SIRPA: variants seen among roughly 807,000 people sequenced by gnomAD.
SIRPA encodes the protein signal regulatory protein alpha.
A neutral mutation model predicts 50.3 loss-of-function variants in SIRPA; 9 were observed. That is an observed-to-expected ratio of 0.18 (90% confidence interval 0.11 to 0.31). The LOEUF is 0.31. Ranked by LOEUF, SIRPA falls within the 10% of genes least tolerant of loss-of-function variation. The pLI is 1.00. For missense variants in SIRPA, 474 were observed against 661.6 expected, an observed-to-expected ratio of 0.72 and a Z score of 3.11; for synonymous variants, 265 against 284.1, an observed-to-expected ratio of 0.93 and a Z score of 0.68.
In SIRPA at chr20:1,939,959, T is replaced by C. The variant is rs6045561; in HGVS notation, c.*2391T>C. The C allele has an allele frequency of 0.43, 64,876 of 152,508 alleles. 16,469 individuals are homozygous for C. The highest frequency in any genetic ancestry group is 0.76 in the East Asian group (3,913 of 5,170). The allele number at this position is 152,508 out of a possible 1,614,324, so 9.4% of individuals were successfully genotyped here. On this transcript the variant is annotated 3_prime_UTR_variant, in exon 8 of 8. Coordinates refer to ENST00000358771, the MANE Select transcript of SIRPA (RefSeq NM_001040023.2). The surrounding 1 kb of genome is among the most constrained non-coding windows in gnomAD (Gnocchi z 4.7). The stretch of plus-strand genomic sequence containing the variant: ...TCCCGGGGCCGCCTCGGGGCCTGCC[T>C]GCCCTCCTGCCAAAGCCTGGAAGAG...
chr20:1,940,511 T>TA lies in SIRPA; in HGVS notation c.*2944dup, dbSNP rs1240334492. The TA allele has an allele frequency of 6.6e-6, 1 of 152,228 alleles. No homozygotes were observed. The highest frequency in any genetic ancestry group is 6.5e-5 in the Admixed American group (1 of 15,288). The allele number at this position is 152,228 out of a possible 1,614,324, so 9.4% of individuals were successfully genotyped here. On this transcript the variant is annotated 3_prime_UTR_variant, in exon 8 of 8. Transcript: ENST00000358771. ...TTTATAGTGGGTGCTCAATAAATGT[T>TA]AGTTTCCTTTCTATCCCTCCATTAG...
intron 6 of SIRPA, among the ~76,000 whole-genome samples, chr20:1,930,816 C>A (rs1469751038): frequency 6.6e-6 from 1 of 152,158 alleles, no homozygotes; most frequent in Non-Finnish European, 1.5e-5. Flanking sequence ...TCTTGAACTC[C>A]CGACCTCAGG....
chr20:1,906,653 A>T (rs1821079687), intron 1 of SIRPA, among the ~76,000 whole-genome samples: 1 of 152,120 alleles, frequency 6.6e-6, no homozygotes, highest in Admixed American at 6.5e-5. Flanking sequence ...TTTCACTCTG[A>T]GTGCAGTGGG....
chr20:1,932,053 G>GC lies in SIRPA; in HGVS notation c.1227-2662_1227-2661insC, dbSNP rs1213508153. ...ATGGCACTTAAGAGCCAGTGAGAAA[G>GC]ATTCATTCATTCATTCATTCATTCA... On this transcript the variant is annotated intron_variant, in intron 6 of 7. Transcript: ENST00000358771. This position sits in a 1 kb window ranked among gnomAD's most constrained non-coding sequence, Gnocchi z 6.0. Among the ~76,000 whole-genome samples, 1 of 151,418 alleles carries GC rather than the reference G, an allele frequency of 6.6e-6. No homozygotes were observed. The highest frequency in any genetic ancestry group is 1.5e-5 in the Non-Finnish European group (1 of 67,952).
Position 1,936,437 on chromosome 20 carries a change from T to C in SIRPA, c.1267-883T>C, listed in dbSNP as rs1986579363. Among the ~76,000 whole-genome samples, 2 of 152,166 alleles carry C rather than the reference T, an allele frequency of 1.3e-5. No individual in the cohort carries two copies. The highest frequency in any genetic ancestry group is 2.9e-5 in the Non-Finnish European group (2 of 68,026). On this transcript the variant is annotated intron_variant, in intron 7 of 7. Coordinates refer to ENST00000358771, the MANE Select transcript of SIRPA (RefSeq NM_001040023.2). This position sits in a 1 kb window ranked among gnomAD's most constrained non-coding sequence, Gnocchi z 4.2. ...GTAGACACTATTATCATCCCCTCTT[T>C]ACAGATGGAGAAACTGAGGCCCAGA...
chr20:1,909,317 C>A (rs916459147), intron 1 of SIRPA, among the ~76,000 whole-genome samples: 1 of 152,232 alleles, frequency 6.6e-6, no homozygotes, highest in Non-Finnish European at 1.5e-5. Flanking sequence ...CATGCAGTGG[C>A]AGTGAGCACC....
chr20:1,904,635 C>T (rs1450919839), intron 1 of SIRPA, among the ~76,000 whole-genome samples: 2 of 152,202 alleles, frequency 1.3e-5, no homozygotes, highest in African/African-American at 4.8e-5. Flanking sequence ...TGCTTATTAG[C>T]TATTGTTACT....
intron 1 of SIRPA, among the ~76,000 whole-genome samples, chr20:1,912,194 C>T (rs1283625809): frequency 6.6e-6 from 1 of 152,178 alleles, no homozygotes; most frequent in Non-Finnish European, 1.5e-5. Flanking sequence ...TGATTACAGG[C>T]CTCCGGCTGC....
In SIRPA at chr20:1,936,136, C is replaced by T. The variant is rs373715146; in HGVS notation, c.1267-1184C>T. Reference sequence around the variant, plus strand: ...CCTGAGAACTGAAATCAGCCATTACCGTGCACCAACTAGGAGGTGTGCCGG... The same window carrying T: ...CCTGAGAACTGAAATCAGCCATTACTGTGCACCAACTAGGAGGTGTGCCGG... On this transcript the variant is annotated intron_variant, in intron 7 of 7. Transcript: ENST00000358771. This position sits in a 1 kb window ranked among gnomAD's most constrained non-coding sequence, Gnocchi z 4.2. Among the ~76,000 whole-genome samples, 10 of 152,102 alleles carry T rather than the reference C, an allele frequency of 6.6e-5. No homozygotes were observed. Among genetic ancestry groups the T allele is most frequent in the South Asian group, 4.1e-4 (2 of 4,820 alleles).
At chr20:1,911,059 A>G (rs1313534365) in intron 1 of SIRPA, among the ~76,000 whole-genome samples, 1 of 152,212 alleles carries the variant, frequency 6.6e-6, no homozygotes, top group Non-Finnish European at 1.5e-5. Context: ...CACTGGATCT[A>G]CTACTTGGTA....
At chr20:1,905,516 G>A (rs1462259471) in intron 1 of SIRPA, among the ~76,000 whole-genome samples, 1 of 152,222 alleles carries the variant, frequency 6.6e-6, no homozygotes. Context: ...CCCCATGAAA[G>A]TGTGGCTGTG....
In SIRPA at chr20:1,940,347, C is replaced by T. The variant is rs1043340478; in HGVS notation, c.*2779C>T. The stretch of plus-strand genomic sequence containing the variant: ...GCCCTGACCCTGCATAGCTGAGTCT[C>T]GTGGCCTCTCACCACTGATGGGATC... On this transcript the variant is annotated 3_prime_UTR_variant, in exon 8 of 8. Coordinates refer to ENST00000358771, the MANE Select transcript of SIRPA (RefSeq NM_001040023.2). The T allele has an allele frequency of 6.6e-6, 1 of 152,250 alleles. No homozygotes were observed. The highest frequency in any genetic ancestry group is 2.4e-5 in the African/African-American group (1 of 41,444). 9.4% of individuals were successfully genotyped at this position (152,250 alleles called of 1,614,324 possible).
At chr20:1,923,232 G>A (rs967493105) in intron 4 of SIRPA, among the ~76,000 whole-genome samples, 11 of 152,390 alleles carry the variant, frequency 7.2e-5, no homozygotes, top group Middle Eastern at 3.4e-3. Flanking sequence ...CTGAGAGAGT[G>A]TGAGGGTGTC....
At chr20:1,904,598 G>A (rs6045334) in intron 1 of SIRPA, among the ~76,000 whole-genome samples, 1 of 152,202 alleles carries the variant, frequency 6.6e-6, no homozygotes, top group Non-Finnish European at 1.5e-5. Context: ...GGTTCCATGA[G>A]GCCTGTCTTG....
At position 1,940,417 on chromosome 20, in the gene SIRPA, C is replaced by G. The variant is rs1299571927; in HGVS notation, c.*2849C>G. On this transcript the variant is annotated 3_prime_UTR_variant, in exon 8 of 8. Transcript: ENST00000358771. ...TCCTCCTGGGGCCTCACTTTCCTTC[C>G]CCACCAAATGCAGACATCTAATGCT... 6.6e-6 allele frequency: 1 copy of G among 152,246 alleles called. No homozygotes were observed. The highest frequency in any genetic ancestry group is 1.5e-5 in the Non-Finnish European group (1 of 68,100). 9.4% of individuals were successfully genotyped at this position (152,246 alleles called of 1,614,324 possible). A position where few individuals can be genotyped will look rare whatever the true frequency, so the allele number is the denominator to read the frequency against.
chr20:1,928,569 A>G lies in SIRPA; in HGVS notation c.1226+670A>G, dbSNP rs777621485. Among the ~76,000 whole-genome samples, 11 of 152,198 alleles carry G rather than the reference A, an allele frequency of 7.2e-5. No individual in the cohort carries two copies. The highest frequency in any genetic ancestry group is 1.6e-4 in the Non-Finnish European group (11 of 68,044). On this transcript the variant is annotated intron_variant, in intron 6 of 7. Transcript: ENST00000358771. The surrounding 1 kb of genome is among the most constrained non-coding windows in gnomAD (Gnocchi z 4.9). The stretch of plus-strand genomic sequence containing the variant: ...GAGAAACAGGCATAAACGCAGAAAT[A>G]AAGTGATTCATGGTGTCATATCAGG...
intron 4 of SIRPA, among the ~76,000 whole-genome samples, chr20:1,923,684 A>G (rs539724350): frequency 1.3e-5 from 2 of 152,190 alleles, no homozygotes; most frequent in Non-Finnish European, 2.9e-5. Context: ...GCATTGGGCA[A>G]TGCCAGGTTT....
At chr20:1,911,508 G>T (rs1984884654) in intron 1 of SIRPA, among the ~76,000 whole-genome samples, 1 of 152,006 alleles carries the variant, frequency 6.6e-6, no homozygotes, top group African/African-American at 2.4e-5. Flanking sequence ...GGCTTGTTAC[G>T]GCTGCCTGTA....
intron 1 of SIRPA, among the ~76,000 whole-genome samples, chr20:1,910,163 G>C (rs531474535): frequency 1.3e-5 from 2 of 152,260 alleles, no homozygotes; most frequent in South Asian, 4.1e-4. Context: ...AGCTCCATGA[G>C]GCCAGGGACA....
Sources: allele counts gnomAD v4.1 joint callset (sites outside exome capture counted in the v4.1 genomes callset), GRCh38; gene constraint gnomAD v4.1.1; non-coding constraint Gnocchi (gnomAD v3.1); transcripts MANE v1.5; gene names NCBI Gene and HGNC (gene_info 2026-07-23, HGNC 2026-07-21).